Variants in NRXN3 observed in about 807,000 individuals in gnomAD.
The protein encoded by NRXN3 is neurexin III.
A neutral mutation model predicts 137.6 loss-of-function variants in NRXN3; 32 were observed. That is an observed-to-expected ratio of 0.23 (90% confidence interval 0.18 to 0.31). The LOEUF (loss-of-function observed/expected upper bound fraction) is 0.31, where lower values mean the gene tolerates loss of function less well. NRXN3 is among the 10% of genes least tolerant of loss of function. The pLI, the probability that NRXN3 is intolerant of heterozygous loss-of-function variation, is 1.00. For missense variants in NRXN3, 1,574 were observed against 2,062.5 expected (o/e 0.76, Z 4.59); for synonymous variants, 798 against 784.5 (o/e 1.02, Z -0.29).
chr14:78,459,500 G>T (rs1334804963), intron 4 of NRXN3, among the ~76,000 whole-genome samples: 2 of 152,102 alleles, frequency 1.3e-5, no homozygotes, highest in East Asian at 3.9e-4. Context: ...TTCTGACTGG[G>T]TCATCCCACA....
intron 4 of NRXN3, among the ~76,000 whole-genome samples, chr14:78,410,146 G>A (rs1598358091): frequency 2.0e-5 from 3 of 152,178 alleles, no homozygotes. Flanking sequence ...CCTGTTTCTA[G>A]ATCAGTAACT....
intron 16 of NRXN3, among the ~76,000 whole-genome samples, chr14:79,527,749 T>C (rs1054235824): frequency 1.3e-5 from 2 of 151,504 alleles, no homozygotes; most frequent in African/African-American, 4.9e-5. Context: ...GGTGCACCTG[T>C]AGTCCCAGCT....
intron 15 of NRXN3, among the ~76,000 whole-genome samples, chr14:79,136,644 T>G (rs2058255174): frequency 6.6e-6 from 1 of 152,152 alleles, no homozygotes; most frequent in African/African-American, 2.4e-5. Context: ...CCTCTCACAA[T>G]GGGGCCAAGG....
At chr14:79,238,227 T>A (rs1405798084) in intron 15 of NRXN3, among the ~76,000 whole-genome samples, 1 of 152,304 alleles carries the variant, frequency 6.6e-6, no homozygotes, top group South Asian at 2.1e-4. Flanking sequence ...CTCACTTTTT[T>A]AATACTAGGC....
intron 4 of NRXN3, among the ~76,000 whole-genome samples, chr14:78,498,892 T>A (rs2095835760): frequency 6.6e-6 from 1 of 151,934 alleles, no homozygotes; most frequent in Non-Finnish European, 1.5e-5. Context: ...TCCCAAGTAG[T>A]TGGGACTGCA....
At chr14:78,574,484 C>T (rs1471454913) in intron 4 of NRXN3, among the ~76,000 whole-genome samples, 1 of 152,248 alleles carries the variant, frequency 6.6e-6, no homozygotes, top group Non-Finnish European at 1.5e-5. Flanking sequence ...GTGAGCCCAC[C>T]TCTTGCATCA....
intron 11 of NRXN3, among the ~76,000 whole-genome samples, chr14:78,965,776 C>T (rs992546963): frequency 9.9e-5 from 15 of 152,242 alleles, no homozygotes; most frequent in African/African-American, 3.6e-4. Context: ...GCCTGGGTTA[C>T]TCATGACCTC....
chr14:79,415,537 C>G (rs1280073955), intron 15 of NRXN3, among the ~76,000 whole-genome samples: 1 of 151,976 alleles, frequency 6.6e-6, no homozygotes, highest in Admixed American at 6.6e-5. Flanking sequence ...TGTGGGAGGT[C>G]CTGAAACCAA....
At chr14:78,466,088 C>T (rs1490417358) in intron 4 of NRXN3, among the ~76,000 whole-genome samples, 1 of 152,122 alleles carries the variant, frequency 6.6e-6, no homozygotes, top group South Asian at 2.1e-4. Flanking sequence ...CTCCTGACCT[C>T]GTGATCTGCC....
At chr14:79,330,022 G>A (rs1016586689) in intron 15 of NRXN3, among the ~76,000 whole-genome samples, 2 of 151,880 alleles carry the variant, frequency 1.3e-5, no homozygotes, top group African/African-American at 2.4e-5. Flanking sequence ...AGTAGAGATG[G>A]GGTTTCATCA....
intron 19 of NRXN3, among the ~76,000 whole-genome samples, chr14:79,789,084 G>A (rs2099137777): frequency 6.6e-6 from 1 of 152,164 alleles, no homozygotes; most frequent in South Asian, 2.1e-4. Flanking sequence ...AGAGGTGGAG[G>A]ATCTTGAATT....
At chr14:78,751,935 G>A (rs372239370) in intron 8 of NRXN3, among the ~76,000 whole-genome samples, 38 of 152,316 alleles carry the variant, frequency 2.5e-4, no homozygotes, top group African/African-American at 8.9e-4. Flanking sequence ...ACCAGGAAAT[G>A]GATAGAGGAG....
At chr14:79,525,429 G>A (rs79911837) in intron 16 of NRXN3, among the ~76,000 whole-genome samples, 1,458 of 137,476 alleles carry the variant, frequency 0.011, 20 homozygotes, top group African/African-American at 0.038. Flanking sequence ...CCTGCAATCC[G>A]TATGTCATTT....
At chr14:78,834,600 G>A (rs1036456756) in intron 10 of NRXN3, among the ~76,000 whole-genome samples, 5 of 152,162 alleles carry the variant, frequency 3.3e-5, no homozygotes, top group African/African-American at 1.2e-4. Flanking sequence ...AAGGTAACCA[G>A]GTGAGGAGGC....
intron 15 of NRXN3, among the ~76,000 whole-genome samples, chr14:79,191,224 A>G (rs1040783540): frequency 6.6e-5 from 10 of 152,240 alleles, no homozygotes; most frequent in Admixed American, 5.2e-4. Flanking sequence ...TGAAACTGAT[A>G]TAAGAACACA....
At chr14:79,364,176 C>CT (rs1443236111) in intron 15 of NRXN3, among the ~76,000 whole-genome samples, 1 of 152,164 alleles carries the variant, frequency 6.6e-6, no homozygotes, top group African/African-American at 2.4e-5. Context: ...CCCAGTTCTT[C>CT]TTTTTTCTGT....
intron 10 of NRXN3, among the ~76,000 whole-genome samples, chr14:78,940,788 A>T (rs573770487): frequency 2.6e-5 from 4 of 152,268 alleles, no homozygotes; most frequent in African/African-American, 9.6e-5. Context: ...AATCACTTAA[A>T]TATGTTTTTG....
intron 15 of NRXN3, among the ~76,000 whole-genome samples, chr14:79,454,318 G>T (rs914404405): frequency 4.6e-5 from 7 of 152,052 alleles, no homozygotes; most frequent in Non-Finnish European, 7.4e-5. Flanking sequence ...TCCTGACCTT[G>T]TGATCCACCT....
intron 4 of NRXN3, among the ~76,000 whole-genome samples, chr14:78,516,934 A>G (rs2096217065): frequency 6.6e-6 from 1 of 152,184 alleles, no homozygotes. Flanking sequence ...AGCAATTTGA[A>G]TTATCTAGGT....
Sources: gnomAD v4.1 joint callset for allele counts (sites outside exome capture counted in the v4.1 genomes callset) on GRCh38, gnomAD v4.1.1 for gene constraint, MANE v1.5 for transcripts, NCBI Gene and HGNC (gene_info 2026-07-23, HGNC 2026-07-21) for gene names.